The following HSD17B2 variants were observed in gnomAD, a reference collection of about 807,000 sequenced individuals.
HSD17B2 encodes the protein hydroxysteroid 17-beta dehydrogenase 2, also known as 17-beta-hydroxysteroid dehydrogenase type 2.
A neutral mutation model predicts 26.9 loss-of-function variants in HSD17B2; 32 were observed. That is an observed-to-expected ratio of 1.19 (90% CI 0.90 to 1.60). HSD17B2 has a LOEUF of 1.60. Among genes scored for constraint, HSD17B2 ranks in the 40% most tolerant of loss-of-function variants. The pLI is 0.00. For synonymous variants in HSD17B2, 246 were observed against 186.7 expected, an observed-to-expected ratio of 1.32 and a Z score of -2.59; for missense variants, 613 against 468.6, an observed-to-expected ratio of 1.31 and a Z score of -2.85.
At chr16:82,035,828 T>A (rs1181016838) in intron 1 of HSD17B2, 139 bp downstream of exon 1, 12 of 921,314 alleles carry the variant, frequency 1.3e-5, no homozygotes, top group Non-Finnish European at 2.0e-5. Context: ...GTATTTTTCA[T>A]GACACTGTTT....
chr16:82,038,382 A>AGACC (rs1213687819), intron 1 of HSD17B2, among the ~76,000 whole-genome samples: 1 of 151,990 alleles, frequency 6.6e-6, no homozygotes, highest in Non-Finnish European at 1.5e-5. Flanking sequence ...TGGGGTCTCA[A>AGACC]TCTGTTGCCC....
chr16:82,083,752 G>A (rs1366151227), intron 3 of HSD17B2, among the ~76,000 whole-genome samples: 2 of 152,108 alleles, frequency 1.3e-5, no homozygotes, highest in Admixed American at 6.6e-5. Flanking sequence ...AGCTCCTGAG[G>A]AGATGACCCC....
At chr16:82,036,756 A>C (rs1174484092) in intron 1 of HSD17B2, among the ~76,000 whole-genome samples, 2 of 152,178 alleles carry the variant, frequency 1.3e-5, no homozygotes. Context: ...GTTTAGAGGG[A>C]GAAAATTCAG....
chr16:82,058,910 G>T (rs1914353678), intron 1 of HSD17B2, among the ~76,000 whole-genome samples: 1 of 152,108 alleles, frequency 6.6e-6, no homozygotes, highest in Non-Finnish European at 1.5e-5. Flanking sequence ...AGAAGGTGAT[G>T]GGTTGTGCCT....
chr16:82,038,232 A>G (rs960760640), intron 1 of HSD17B2, among the ~76,000 whole-genome samples: 1 of 152,266 alleles, frequency 6.6e-6, no homozygotes, highest in African/African-American at 2.4e-5. Flanking sequence ...ATATAATTAC[A>G]GTAAGAAAAA....
intron 3 of HSD17B2, among the ~76,000 whole-genome samples, chr16:82,076,699 C>T (rs760010634): frequency 2.9e-4 from 44 of 152,150 alleles, no homozygotes; most frequent in Non-Finnish European, 5.1e-4. Flanking sequence ...CTCAGCATCC[C>T]GAGTAGCTGG....
At chr16:82,050,559 C>A (rs1164997021) in intron 1 of HSD17B2, among the ~76,000 whole-genome samples, 2 of 152,168 alleles carry the variant, frequency 1.3e-5, no homozygotes, top group African/African-American at 4.8e-5. Context: ...CCATCAAAGG[C>A]TTTCTGCTGT....
intron 4 of HSD17B2, 128 bp from the exon 5 acceptor site, chr16:82,097,947 A>T: frequency 1.1e-6 from 1 of 880,550 alleles, no homozygotes; most frequent in Non-Finnish European, 1.6e-6. Context: ...CCCAAAAATA[A>T]AAAAATAAAA....
rs1319982112 is a variant in HSD17B2, at chr16:82,071,144, AC to A, written c.664+18del. On this transcript the variant is annotated intron_variant, in intron 3 of 4. Coordinates refer to ENST00000199936, the MANE Select transcript of HSD17B2 (RefSeq NM_002153.3). ...GCATGGGAGGTGAGTCAGCATTTTC[AC>A]ACATGGTCATGGGGTGCCCATCACA... 2.5e-6 allele frequency: 4 copies of A among 1,612,678 alleles called. No homozygotes were observed. The highest frequency in any genetic ancestry group is 1.7e-4 in the Middle Eastern group (1 of 6,058).
intron 1 of HSD17B2, among the ~76,000 whole-genome samples, chr16:82,038,222 A>G (rs1913670392): frequency 6.6e-6 from 1 of 152,250 alleles, no homozygotes; most frequent in African/African-American, 2.4e-5. Flanking sequence ...CTCAGAGACA[A>G]TATAATTACA....
chr16:82,079,977 C>T (rs1195206968), intron 3 of HSD17B2, among the ~76,000 whole-genome samples: 1 of 151,946 alleles, frequency 6.6e-6, no homozygotes, highest in Non-Finnish European at 1.5e-5. Flanking sequence ...AATAAGGGCT[C>T]CAGAAGAAGC....
chr16:82,035,335 C>T lies in HSD17B2; in HGVS notation c.-90C>T. The T allele has an allele frequency of 7.8e-7, 1 of 1,281,480 alleles. No individual in the cohort carries two copies. Among genetic ancestry groups the T allele is most frequent in the South Asian group, 1.4e-5 (1 of 73,058 alleles). 79.4% of individuals were successfully genotyped at this position (1,281,480 alleles called of 1,614,324 possible). A position where few individuals can be genotyped will look rare whatever the true frequency, so the allele number is the denominator to read the frequency against. ...CTTTCTCCCCTCCCTTCTTGACTCT[C>T]TGTTCACAGAACTCAGGCTGCCTCC... On this transcript the variant is annotated 5_prime_UTR_variant, in exon 1 of 5. Coordinates refer to ENST00000199936, the MANE Select transcript of HSD17B2 (RefSeq NM_002153.3).
At position 82,071,125 on chromosome 16, in the gene HSD17B2, G is replaced by A; in HGVS notation, c.662G>A (p.Gly221Glu). The A allele has an allele frequency of 6.2e-7, 1 of 1,614,112 alleles. No homozygotes were observed. The highest frequency in any genetic ancestry group is 8.5e-7 in the Non-Finnish European group (1 of 1,179,960). ...KGRLVNVSSMGGGAPMERLAS... is the reference protein window; with the variant it reads ...KGRLVNVSSMEGGAPMERLAS... The stretch of plus-strand genomic sequence containing the variant: ...AGGCTGGTGAATGTCAGCAGCATGG[G>A]AGGTGAGTCAGCATTTTCACACATG... The change falls in exon 3 of 5, where the codon GGA becomes GAA. Residue 221 changes from glycine to glutamate, a missense_variant and splice_region_variant. By Grantham distance (98) the Gly-to-Glu change is moderately conservative. Transcript: ENST00000199936.
At chr16:82,070,480 C>T (rs1246380275) in intron 2 of HSD17B2, among the ~76,000 whole-genome samples, 2 of 152,232 alleles carry the variant, frequency 1.3e-5, no homozygotes, top group South Asian at 2.1e-4. Context: ...TTCTACAGTG[C>T]CATCCATCTC....
At chr16:82,091,145 T>G in intron 4 of HSD17B2, 106 bp downstream of exon 4, 2 of 1,108,440 alleles carry the variant, frequency 1.8e-6, no homozygotes, top group Admixed American at 1.7e-5. Flanking sequence ...TTGTCAAAGA[T>G]GAGCACAGCC....
At chr16:82,047,109 A>T (rs992238660) in intron 1 of HSD17B2, among the ~76,000 whole-genome samples, 4 of 152,224 alleles carry the variant, frequency 2.6e-5, no homozygotes, top group African/African-American at 4.8e-5. Flanking sequence ...ACCAGAGAAC[A>T]CTAAAGACTG....
chr16:82,053,193 C>A lies in HSD17B2; in HGVS notation c.266-14977C>A, dbSNP rs139420009. 9.2e-3 allele frequency among the ~76,000 whole-genome samples: 1,396 copies of A among 152,280 alleles called. 14 individuals carry two copies. The highest frequency in any genetic ancestry group is 0.032 in the African/African-American group (1,334 of 41,542). ...TTTTTTCTGGTAGCACAGGTTTTGGCTGCATGGCAAATGCAGAAGTCAACA... is the reference window on the plus strand; with the variant it reads ...TTTTTTCTGGTAGCACAGGTTTTGGATGCATGGCAAATGCAGAAGTCAACA... On this transcript the variant is annotated intron_variant, in intron 1 of 4. Coordinates refer to ENST00000199936, the MANE Select transcript of HSD17B2 (RefSeq NM_002153.3).
At chr16:82,069,875 C>A (rs1914657546) in intron 2 of HSD17B2, among the ~76,000 whole-genome samples, 1 of 152,106 alleles carries the variant, frequency 6.6e-6, no homozygotes, top group South Asian at 2.1e-4. Flanking sequence ...TTCTGAAGCA[C>A]CAGGCCCTGT....
intron 3 of HSD17B2, among the ~76,000 whole-genome samples, chr16:82,080,400 G>T (rs1046149452): frequency 6.6e-6 from 1 of 152,158 alleles, no homozygotes; most frequent in Non-Finnish European, 1.5e-5. Flanking sequence ...ATGAGGGTCA[G>T]AGTCAGAGAG....
Sources: allele counts gnomAD v4.1 joint callset (sites outside exome capture counted in the v4.1 genomes callset), GRCh38; gene constraint gnomAD v4.1.1; transcripts MANE v1.5; gene names NCBI Gene and HGNC (gene_info 2026-07-23, HGNC 2026-07-21).